SCARB1: variants seen among roughly 807,000 people sequenced by gnomAD.
SCARB1 encodes the protein CD36 and LIMPII analogous 1.
In SCARB1, 30 loss-of-function variants were observed where a neutral mutation model predicts 57.2. The observed-to-expected ratio is 0.52, with a 90% CI of 0.39 to 0.71. The LOEUF is 0.71. Among genes scored for constraint, SCARB1 ranks in the 30% least tolerant of loss-of-function variants. SCARB1 has a pLI of 0.00. For synonymous variants in SCARB1, 249 were observed against 268.3 expected, an observed-to-expected ratio of 0.93 and a Z score of 0.70; for missense variants, 543 against 671.2, an observed-to-expected ratio of 0.81 and a Z score of 2.11.
Position 124,822,011 on chromosome 12 carries a change from T to C in SCARB1, c.127-4304A>G, listed in dbSNP as rs2135710554. 6.6e-6 allele frequency among the ~76,000 whole-genome samples: 1 copy of C among 152,212 alleles called. No individual in the cohort carries two copies. Among genetic ancestry groups the C allele is most frequent in the East Asian group, 1.9e-4 (1 of 5,168 alleles). Reference sequence around the variant, plus strand: ...ACAGAGTTGGGATAGAATGCCAAGGTGAGCCCTTGTTGGACGCCACTCCCT... The same window carrying C: ...ACAGAGTTGGGATAGAATGCCAAGGCGAGCCCTTGTTGGACGCCACTCCCT... On this transcript the variant is annotated intron_variant, in intron 1 of 12. Transcript: ENST00000261693. The surrounding 1 kb of genome is among the most constrained non-coding windows in gnomAD (Gnocchi z 5.0).
intron 7 of SCARB1, among the ~76,000 whole-genome samples, chr12:124,803,980 G>A (rs1950236725): frequency 6.6e-6 from 1 of 152,232 alleles, no homozygotes; most frequent in Non-Finnish European, 1.5e-5. Flanking sequence ...GCTAAGAGAA[G>A]GCGGGACACA....
At chr12:124,811,140 A>G (rs1218548902) in intron 5 of SCARB1, among the ~76,000 whole-genome samples, 1 of 152,266 alleles carries the variant, frequency 6.6e-6, no homozygotes, top group Non-Finnish European at 1.5e-5. Flanking sequence ...ATAGGTGTGC[A>G]CATGGGTAAA....
At position 124,778,506 on chromosome 12, in the gene SCARB1, C is replaced by A. The variant is rs779947607; in HGVS notation, c.*81G>T. ...TGGGGGGCTGTCCGCTGGGAGAGTCCGGGAGAAGCGGGGTGTAGGGGCTGG... is the reference window on the plus strand; with the variant it reads ...TGGGGGGCTGTCCGCTGGGAGAGTCAGGGAGAAGCGGGGTGTAGGGGCTGG... On this transcript the variant is annotated 3_prime_UTR_variant, in exon 13 of 13. Coordinates refer to ENST00000261693, the MANE Select transcript of SCARB1 (RefSeq NM_005505.5). The A allele has an allele frequency of 7.6e-7, 1 of 1,315,162 alleles. No individual in the cohort carries two copies. Among genetic ancestry groups the A allele is most frequent in the Non-Finnish European group, 9.8e-7 (1 of 1,024,684 alleles). 81.5% of individuals were successfully genotyped at this position (1,315,162 alleles called of 1,614,324 possible). A position where few individuals can be genotyped will look rare whatever the true frequency, so the allele number is the denominator to read the frequency against.
Position 124,814,324 on chromosome 12 carries a change from C to T in SCARB1, c.508G>A (p.Ala170Thr), listed in dbSNP as rs752739736. Residue 170 changes from alanine (A) to threonine (T), a missense_variant, in exon 4 of 13, where the codon GCC becomes ACC. Physicochemically the swap from Ala to Thr is moderately conservative, Grantham distance 58. Coordinates refer to ENST00000261693, the MANE Select transcript of SCARB1 (RefSeq NM_005505.5). This position sits in a 1 kb window ranked among gnomAD's most constrained non-coding sequence, Gnocchi z 4.7. ...TLAFTTLGER[A>T]FMNRTVGEIM... is the part of the protein sequence containing the mutation. ...TCACCCACAGTGCGGTTCATGAAGG[C>T]ACGTTCGCCGAGGGTGGTGAATGCC... 1.9e-6 allele frequency: 3 copies of T among 1,614,216 alleles called. No individual in the cohort carries two copies. The highest frequency in any genetic ancestry group is 1.7e-5 in the Admixed American group (1 of 60,028).
rs973080491 is a variant in SCARB1, at chr12:124,778,206, G to A, written c.*381C>T. The A allele has an allele frequency of 8.2e-6, 3 of 366,446 alleles. No homozygotes were observed. The highest frequency in any genetic ancestry group is 6.8e-4 in the Middle Eastern group (1 of 1,470). 22.7% of individuals were successfully genotyped at this position (366,446 alleles called of 1,614,324 possible). A position where few individuals can be genotyped will look rare whatever the true frequency, so the allele number is the denominator to read the frequency against. On this transcript the variant is annotated 3_prime_UTR_variant, in exon 13 of 13. Coordinates refer to ENST00000261693, the MANE Select transcript of SCARB1 (RefSeq NM_005505.5). ...GACTGCAGTGTTTCACCTTGGAGGG[G>A]AGGAAGCCTGGGCCCAACGGCTGAA...
Position 124,817,292 on chromosome 12 carries a change from G to A in SCARB1, c.284+258C>T, listed in dbSNP as rs1436368652. Among the ~76,000 whole-genome samples, 1 of 147,660 alleles carries A rather than the reference G, an allele frequency of 6.8e-6. No individual in the cohort carries two copies. Among genetic ancestry groups the A allele is most frequent in the East Asian group, 2.1e-4 (1 of 4,722 alleles). The stretch of plus-strand genomic sequence containing the variant: ...CCCAGCACTTTGAGAGGCTGAGGCG[G>A]AGGATCGCTTGAGCCCAGGACTTCA... On this transcript the variant is annotated intron_variant, in intron 2 of 12. Transcript: ENST00000261693. The surrounding 1 kb of genome is among the most constrained non-coding windows in gnomAD (Gnocchi z 4.8).
At chr12:124,802,322 T>C (rs979833895) in intron 7 of SCARB1, among the ~76,000 whole-genome samples, 2 of 152,112 alleles carry the variant, frequency 1.3e-5, no homozygotes, top group Non-Finnish European at 2.9e-5. Context: ...CTTCAAGTCC[T>C]CTCAACACCA....
chr12:124,782,811 C>T lies in SCARB1; in HGVS notation c.1402G>A (p.Glu468Lys), dbSNP rs760474913. 2 of 1,614,082 alleles carry T rather than the reference C, an allele frequency of 1.2e-6. No homozygotes were observed. The highest frequency in any genetic ancestry group is 3.3e-5 in the Admixed American group (2 of 60,028). Residue 468 changes from glutamate (E) to lysine (K), a missense_variant and splice_region_variant, in exon 12 of 13, where the codon GAG (glutamate) becomes AAG (lysine). Glu to Lys is a moderately conservative substitution (Grantham distance 56). Transcript: ENST00000261693. ...CTACTCCAAAATAAATAGCATTTCT[C>T]CTAGAAGATAACCAAGCTAATTTAT... ...VPVICQIRSQ[E>K]KCYLFWSSSK... is the part of the protein sequence containing the mutation.
At chr12:124,803,373 T>C (rs1950199581) in intron 7 of SCARB1, among the ~76,000 whole-genome samples, 1 of 152,116 alleles carries the variant, frequency 6.6e-6, no homozygotes, top group Non-Finnish European at 1.5e-5. Flanking sequence ...ACTTCAAGAC[T>C]AGCCTGGGCA....
chr12:124,783,646 A>T (rs901231712), intron 11 of SCARB1: 1 of 151,968 alleles, frequency 6.6e-6, no homozygotes, highest in Non-Finnish European at 1.5e-5. Flanking sequence ...AGGTGCCTGT[A>T]ATCCCAACTG....
intron 7 of SCARB1, among the ~76,000 whole-genome samples, chr12:124,805,746 TTTTG>T (rs66883266): frequency 0.079 from 11,119 of 141,374 alleles, 1,018 homozygotes; most frequent in East Asian, 0.4. Flanking sequence ...TTTTTTTTTT[TTTTG>T]GCCAGAGAGA....
rs147498115 is a variant in SCARB1 at position 124,853,853 on chromosome 12, G to A, written c.126+9742C>T. 8.2e-4 allele frequency among the ~76,000 whole-genome samples: 125 copies of A among 152,342 alleles called. 1 individual carries two copies. The South Asian group carries it at 0.012, about 15-fold the overall frequency. On this transcript the variant is annotated intron_variant, in intron 1 of 12. Coordinates refer to ENST00000261693, the MANE Select transcript of SCARB1 (RefSeq NM_005505.5). ...TGGGGCGACGGCCACGGCAGGTGGA[G>A]GAGTAGGCCCCATTGCCCTGCACAG...
At chr12:124,843,249 C>G (rs1951981166) in intron 1 of SCARB1, among the ~76,000 whole-genome samples, 1 of 149,444 alleles carries the variant, frequency 6.7e-6, no homozygotes, top group Non-Finnish European at 1.5e-5. Flanking sequence ...TCTCCTTGGC[C>G]TCCAGTTTGT....
chr12:124,830,162 C>T (rs1375329320), intron 1 of SCARB1, among the ~76,000 whole-genome samples: 1 of 152,230 alleles, frequency 6.6e-6, no homozygotes, highest in African/African-American at 2.4e-5. Flanking sequence ...CCATGCCATA[C>T]ACCAGAATGG....
chr12:124,826,675 G>A (rs528662547), intron 1 of SCARB1, among the ~76,000 whole-genome samples: 9 of 151,966 alleles, frequency 5.9e-5, no homozygotes, highest in Non-Finnish European at 1.2e-4. Context: ...GCCCAGGCTG[G>A]TCTTGAACTC....
At chr12:124,825,668 C>A (rs1241776219) in intron 1 of SCARB1, among the ~76,000 whole-genome samples, 1 of 152,086 alleles carries the variant, frequency 6.6e-6, no homozygotes, top group Non-Finnish European at 1.5e-5. Context: ...GAGACCCTGC[C>A]TTGAAAAACA....
intron 1 of SCARB1, among the ~76,000 whole-genome samples, chr12:124,854,721 T>C (rs1277748518): frequency 1.3e-5 from 2 of 152,102 alleles, no homozygotes; most frequent in Admixed American, 1.3e-4. Flanking sequence ...GAGTGCAAGA[T>C]GTTGGCCCGG....
chr12:124,855,767 G>A (rs1952598082), intron 1 of SCARB1, among the ~76,000 whole-genome samples: 1 of 152,184 alleles, frequency 6.6e-6, no homozygotes, highest in African/African-American at 2.4e-5. Flanking sequence ...CAGCCTTGGG[G>A]GGTGTGGCTT....
chr12:124,816,670 T>C (rs1048500741), intron 2 of SCARB1, among the ~76,000 whole-genome samples: 1 of 151,512 alleles, frequency 6.6e-6, no homozygotes, highest in Non-Finnish European at 1.5e-5. Flanking sequence ...AACTGGGAAG[T>C]GGGGGTGTGG....
Sources: gnomAD v4.1 joint callset for allele counts (sites outside exome capture counted in the v4.1 genomes callset) on GRCh38, gnomAD v4.1.1 for gene constraint, Gnocchi (gnomAD v3.1) non-coding constraint, MANE v1.5 for transcripts, NCBI Gene and HGNC (gene_info 2026-07-23, HGNC 2026-07-21) for gene names.